RGS12: variants seen among roughly 807,000 people sequenced by gnomAD.
RGS12 encodes regulator of G protein signaling 12.
Under a neutral mutation model 120.1 loss-of-function variants are expected in RGS12, and 66 were observed. The ratio of observed to expected loss-of-function variants is 0.55; its 90% confidence interval spans 0.45 to 0.67. RGS12 has a LOEUF of 0.67. Among genes scored for constraint, RGS12 ranks in the 30% least tolerant of loss-of-function variants. RGS12 has a pLI of 0.00. For missense variants in RGS12, 1,859 were observed against 1,957.7 expected, an observed-to-expected ratio of 0.95 and a Z score of 0.95; for synonymous variants, 827 against 804.7, an observed-to-expected ratio of 1.03 and a Z score of -0.47.
intron 1 of RGS12, among the ~76,000 whole-genome samples, chr4:3,307,122 C>T (rs1423751080): frequency 6.6e-6 from 1 of 152,230 alleles, no homozygotes; most frequent in Non-Finnish European, 1.5e-5. Flanking sequence ...AACTGCCTCC[C>T]CCCACAAGCT....
chr4:3,311,015 C>T (rs1023912553), intron 1 of RGS12, among the ~76,000 whole-genome samples: 4 of 152,214 alleles, frequency 2.6e-5, no homozygotes, highest in African/African-American at 7.2e-5. Context: ...TTCCTCAGAG[C>T]GATGATGGTG....
intron 1 of RGS12, among the ~76,000 whole-genome samples, chr4:3,294,764 C>G (rs77874021): frequency 0.025 from 3,761 of 152,342 alleles, 159 homozygotes; most frequent in African/African-American, 0.085. Context: ...GCTTACAGTT[C>G]TAGCCCTGGT....
At chr4:3,321,341 GT>G (rs1473524213) in intron 2 of RGS12, among the ~76,000 whole-genome samples, 2 of 151,924 alleles carry the variant, frequency 1.3e-5, no homozygotes, top group Non-Finnish European at 2.9e-5. Flanking sequence ...ATTGGTGGCT[GT>G]CCCCAGTCCC....
chr4:3,291,056 C>G (rs1430456930), upstream of RGS12, among the ~76,000 whole-genome samples: 1 of 152,212 alleles, frequency 6.6e-6, no homozygotes, highest in Admixed American at 6.5e-5. Flanking sequence ...TCGGTGACCC[C>G]TCGTATGAGC....
chr4:3,436,315 C>T lies in RGS12; in HGVS notation c.4115-3140C>T, dbSNP rs373915963. Among the ~76,000 whole-genome samples the T allele has an allele frequency of 1.1e-4, 17 of 152,334 alleles. 1 individual carries two copies. The highest frequency in any genetic ancestry group is 8.3e-4 in the South Asian group (4 of 4,828). ...CCGCCTCTGGCTCCCCTCGCTCCCC[C>T]CTTCCTGCCGTGTTCTCAGTGTGAG... On this transcript the variant is annotated intron_variant, in intron 17 of 17. Transcript: ENST00000336727.
chr4:3,400,032 C>T (rs1015053966), intron 4 of RGS12, among the ~76,000 whole-genome samples: 16 of 152,150 alleles, frequency 1.1e-4, no homozygotes, highest in African/African-American at 3.6e-4. Flanking sequence ...GTTTGCCTGA[C>T]GTCAGTACAC....
intron 3 of RGS12, among the ~76,000 whole-genome samples, chr4:3,353,177 C>T (rs7664128): frequency 0.031 from 4,735 of 152,298 alleles, 227 homozygotes; most frequent in African/African-American, 0.1. Flanking sequence ...CATACAGGCC[C>T]TCTGGGACTA....
chr4:3,334,674 A>G (rs1712252729), intron 2 of RGS12, among the ~76,000 whole-genome samples: 1 of 152,066 alleles, frequency 6.6e-6, no homozygotes, highest in South Asian at 2.1e-4. Flanking sequence ...TTTTATTTAA[A>G]AATTTTAAAA....
At chr4:3,299,700 C>A (rs1211161666) in intron 1 of RGS12, among the ~76,000 whole-genome samples, 2 of 152,232 alleles carry the variant, frequency 1.3e-5, no homozygotes, top group African/African-American at 4.8e-5. Context: ...CCTACCAACA[C>A]CTGACTTCTG....
intron 3 of RGS12, among the ~76,000 whole-genome samples, chr4:3,367,472 G>A (rs954468755): frequency 1.3e-5 from 2 of 152,276 alleles, no homozygotes; most frequent in African/African-American, 2.4e-5. Flanking sequence ...CGGGCCCGGG[G>A]TCTGAACCCG....
At chr4:3,344,337 C>T (rs544224297) in intron 3 of RGS12, among the ~76,000 whole-genome samples, 1 of 152,268 alleles carries the variant, frequency 6.6e-6, no homozygotes, top group African/African-American at 2.4e-5. Context: ...ATGGGGTGCT[C>T]ATGCTGCTGA....
upstream of RGS12, among the ~76,000 whole-genome samples, chr4:3,289,265 G>A (rs539865997): frequency 5.9e-5 from 9 of 151,818 alleles, no homozygotes; most frequent in African/African-American, 1.5e-4. Context: ...GTGCAGTGGC[G>A]CGATCTTGGC....
upstream of RGS12, among the ~76,000 whole-genome samples, chr4:3,292,255 C>CA (rs917459226): frequency 7.9e-5 from 12 of 151,712 alleles, no homozygotes; most frequent in African/African-American, 2.9e-4. Context: ...GCGGCTGGGA[C>CA]AGGGCCAGAG....
chr4:3,428,022 C>G, intron 14 of RGS12, 68 bp from the exon 15 acceptor site: 4 of 1,416,278 alleles, frequency 2.8e-6, no homozygotes, highest in Non-Finnish European at 4.0e-6. Flanking sequence ...ACAGTAGGAG[C>G]AGGTTGTCTA....
Position 3,439,482 on chromosome 4 carries a change from T to C in RGS12, c.4142T>C (p.Leu1381Pro). The stretch of plus-strand genomic sequence containing the variant: ...AGTGGGACCCATGGCAGCCGAGACC[T>C]CCCAGTCAACAGAATCATCGATGTG... ...PGSGTHGSRD[L>P]PVNRIIDVDL... The change falls in exon 18 of 18, where the codon CTC becomes CCC. Residue 1381 changes from leucine to proline, a missense_variant. Leu to Pro is a moderately conservative substitution (Grantham distance 98). Around this residue, in one of 3 missense-constraint regions of RGS12, gnomAD observed 517 missense variants for 488.5 expected, o/e 1.06. Transcript: ENST00000336727. 2 of 1,612,808 alleles carry C rather than the reference T, an allele frequency of 1.2e-6. No individual in the cohort carries two copies. The highest frequency in any genetic ancestry group is 1.7e-6 in the Non-Finnish European group (2 of 1,179,898).
At chr4:3,381,016 T>A (rs1718206544) in intron 3 of RGS12, among the ~76,000 whole-genome samples, 1 of 152,232 alleles carries the variant, frequency 6.6e-6, no homozygotes, top group African/African-American at 2.4e-5. Context: ...ATGTTCTGCT[T>A]CCTCTTGAAT....
chr4:3,362,947 G>T (rs1197759862), intron 3 of RGS12, among the ~76,000 whole-genome samples: 1 of 147,892 alleles, frequency 6.8e-6, no homozygotes, highest in Non-Finnish European at 1.5e-5. Flanking sequence ...GGGTGTGTGT[G>T]CACGTGCCAG....
intron 3 of RGS12, among the ~76,000 whole-genome samples, chr4:3,383,313 A>T (rs919501269): frequency 4.6e-5 from 7 of 152,144 alleles, no homozygotes; most frequent in African/African-American, 7.2e-5. Context: ...GGTATATTAA[A>T]AAGCATGTTT....
Position 3,316,974 on chromosome 4 carries a change from C to T in RGS12, c.804C>T (p.Ile268=). Residue 268 remains isoleucine (I), a synonymous_variant, in exon 2 of 18, where the codon ATC becomes ATT. Coordinates refer to ENST00000336727, the MANE Select transcript of RGS12 (RefSeq NM_001394154.1). ...GGCGCCTGCGGGCAGAGCAGAAAAT[C>T]CACTCGCTGGTGACCATGAAGATCA... ...CMRRLRAEQK[I]HSLVTMKIMH... 1.2e-6 allele frequency: 2 copies of T among 1,613,878 alleles called. No homozygotes were observed. The highest frequency in any genetic ancestry group is 1.7e-6 in the Non-Finnish European group (2 of 1,180,020).
Sources: gnomAD v4.1 joint callset for allele counts (sites outside exome capture counted in the v4.1 genomes callset) on GRCh38, gnomAD v4.1.1 for gene constraint, gnomAD v4.1.1 regional missense constraint, MANE v1.5 for transcripts, NCBI Gene and HGNC (gene_info 2026-07-23, HGNC 2026-07-21) for gene names.